The following LUC7L3 variants were observed in gnomAD, a reference collection of about 807,000 sequenced individuals.
The protein encoded by LUC7L3 is LUC7 like 3 pre-mRNA splicing factor.
In LUC7L3, 6 loss-of-function variants were observed where a neutral mutation model predicts 66.8. The observed-to-expected ratio is 0.09, with a 90% CI of 0.05 to 0.18. The LOEUF (loss-of-function observed/expected upper bound fraction) is 0.18, where lower values mean the gene tolerates loss of function less well. LUC7L3 is among the 10% of genes least tolerant of loss of function. LUC7L3 has a pLI of 1.00. For missense variants in LUC7L3, 341 were observed against 531.1 expected, an observed-to-expected ratio of 0.64 and a Z score of 3.52; for synonymous variants, 160 against 174.7, an observed-to-expected ratio of 0.92 and a Z score of 0.66.
chr17:50,744,114 G>A (rs1362713293), intron 6 of LUC7L3, among the ~76,000 whole-genome samples: 1 of 152,110 alleles, frequency 6.6e-6, no homozygotes, highest in Non-Finnish European at 1.5e-5. Flanking sequence ...TTTCATTTTT[G>A]TTGTAATAAA....
At chr17:50,723,285 ACCCTT>A (rs1968914394) in intron 1 of LUC7L3, 1 of 152,204 alleles carries the variant, frequency 6.6e-6, no homozygotes, top group Non-Finnish European at 1.5e-5. Context: ...ACTCAAGCCT[ACCCTT>A]CCTTCCATGA....
intron 1 of LUC7L3, among the ~76,000 whole-genome samples, chr17:50,734,420 G>C (rs533583229): frequency 6.6e-6 from 1 of 152,156 alleles, no homozygotes; most frequent in Non-Finnish European, 1.5e-5. Flanking sequence ...TCCCGCCTTG[G>C]CCTCCCAAAG....
rs908246482 is a variant in LUC7L3 at position 50,755,857 on chromosome 17, C to T, written c.*5196C>T. ...GTTGGATAAATACTGTGGTATATTC[C>T]AACAGTGGAATTCCACAGAAGTGAA... On this transcript the variant is annotated 3_prime_UTR_variant, in exon 10 of 10. Coordinates refer to ENST00000505658, the MANE Select transcript of LUC7L3 (RefSeq NM_016424.5). The T allele has an allele frequency of 2.0e-5, 3 of 152,102 alleles. No homozygotes were observed. Among genetic ancestry groups the T allele is most frequent in the African/African-American group, 7.2e-5 (3 of 41,404 alleles). The allele number at this position is 152,102 out of a possible 1,614,324, so 9.4% of individuals were successfully genotyped here. A position where few individuals can be genotyped will look rare whatever the true frequency, so the allele number is the denominator to read the frequency against.
chr17:50,726,048 G>T (rs1410923796), intron 1 of LUC7L3, among the ~76,000 whole-genome samples: 1 of 152,194 alleles, frequency 6.6e-6, no homozygotes, highest in African/African-American at 2.4e-5. Context: ...TGTGACTCTT[G>T]ATAATCTCTG....
At chr17:50,748,111 AT>A (rs1436050393) in intron 9 of LUC7L3, among the ~76,000 whole-genome samples, 1 of 152,148 alleles carries the variant, frequency 6.6e-6, no homozygotes, top group African/African-American at 2.4e-5. Context: ...CTGTGTTATC[AT>A]TTGTGCCACT....
chr17:50,736,083 A>T (rs1969967401), intron 1 of LUC7L3, among the ~76,000 whole-genome samples: 1 of 152,204 alleles, frequency 6.6e-6, no homozygotes, highest in Admixed American at 6.5e-5. Flanking sequence ...CAGTGGGCTG[A>T]GATGGTGCCA....
intron 1 of LUC7L3, among the ~76,000 whole-genome samples, chr17:50,729,942 A>ATATATATATATG (rs1969472661): frequency 1.3e-4 from 4 of 30,844 alleles, no homozygotes; most frequent in Middle Eastern, 0.019. Context: ...ATATATATAT[A>ATATATATATATG]TATGTATGTA....
chr17:50,741,453 T>G (rs1201966738), intron 4 of LUC7L3, among the ~76,000 whole-genome samples: 1 of 152,268 alleles, frequency 6.6e-6, no homozygotes, highest in East Asian at 1.9e-4. Context: ...TTGTTTTTAT[T>G]TTTCTTGAGG....
In LUC7L3 at chr17:50,755,085, G is replaced by A. The variant is rs1443348662; in HGVS notation, c.*4424G>A. On this transcript the variant is annotated 3_prime_UTR_variant, in exon 10 of 10. Coordinates refer to ENST00000505658, the MANE Select transcript of LUC7L3 (RefSeq NM_016424.5). Reference sequence around the variant, plus strand: ...TGGGATGGGACTTCATGCAGGATTGGTTTTCAAGTTTGATTTCCTGAGGGA... The same window carrying A: ...TGGGATGGGACTTCATGCAGGATTGATTTTCAAGTTTGATTTCCTGAGGGA... 7.9e-5 allele frequency: 12 copies of A among 152,116 alleles called. No homozygotes were observed. The highest frequency in any genetic ancestry group is 8.8e-5 in the Non-Finnish European group (6 of 68,026). The allele number at this position is 152,116 out of a possible 1,614,324, so 9.4% of individuals were successfully genotyped here. A position where few individuals can be genotyped will look rare whatever the true frequency, so the allele number is the denominator to read the frequency against.
At chr17:50,750,438 C>T in intron 9 of LUC7L3, 63 bp from the exon 10 acceptor site, 1 of 1,483,448 alleles carries the variant, frequency 6.7e-7, no homozygotes, top group Non-Finnish European at 9.1e-7. Flanking sequence ...CACTTTTTTT[C>T]AAAATCATGT....
At position 50,736,636 on chromosome 17, in the gene LUC7L3, G is replaced by A. The variant is rs553552655; in HGVS notation, c.100-324G>A. 6.9e-4 allele frequency: 186 copies of A among 269,408 alleles called. 1 individual carries two copies. The highest frequency in any genetic ancestry group is 1.1e-3 in the South Asian group (26 of 23,170). 16.7% of individuals were successfully genotyped at this position (269,408 alleles called of 1,614,324 possible). A position where few individuals can be genotyped will look rare whatever the true frequency, so the allele number is the denominator to read the frequency against. On this transcript the variant is annotated intron_variant, in intron 1 of 9. Coordinates refer to ENST00000505658, the MANE Select transcript of LUC7L3 (RefSeq NM_016424.5). ...AAAGAGATGAAATGATAAGAATAGC[G>A]TAAGAGTTTTTAAAAATATAAAAAT...
intron 7 of LUC7L3, 134 bp downstream of exon 7, chr17:50,744,947 G>T: frequency 3.1e-6 from 2 of 655,460 alleles, no homozygotes; most frequent in South Asian, 4.1e-5. Flanking sequence ...GAGTAGCTGG[G>T]AGTACAGGCA....
intron 7 of LUC7L3, 22 bp from the exon 8 acceptor site, chr17:50,745,698 G>T (rs768624586): frequency 1.3e-6 from 2 of 1,561,358 alleles, no homozygotes; most frequent in East Asian, 2.2e-5. Flanking sequence ...ATTTGCATAA[G>T]AATCCAACTT....
At position 50,750,549 on chromosome 17, in the gene LUC7L3, G is replaced by A. The variant is rs144920769; in HGVS notation, c.1187G>A (p.Arg396Gln). ...AAAAGTAGTGTGAAGTCCGGTAGTC[G>A]AGAAAAGCAGAGTGAAGACACAAAC... The part of the protein sequence containing the change: ...DKKSSVKSGS[R>Q]EKQSEDTNTE... Residue 396 changes from arginine to glutamine, a missense_variant, in exon 10 of 10, where the codon CGA becomes CAA. This residue lies in a region of LUC7L3 where 210 missense variants were observed against 238.1 expected (regional missense o/e 0.88). Transcript: ENST00000505658. The A allele has an allele frequency of 3.4e-5, 55 of 1,613,964 alleles. No individual in the cohort carries two copies. Among genetic ancestry groups the A allele is most frequent in the Non-Finnish European group, 4.2e-5 (50 of 1,180,000 alleles).
At chr17:50,740,120 T>G (rs1161224690) in intron 2 of LUC7L3, 186 bp from the exon 3 acceptor site, 1 of 547,606 alleles carries the variant, frequency 1.8e-6, no homozygotes, top group Non-Finnish European at 3.2e-6. Context: ...ACTGAGCAGA[T>G]CAATTTTATA....
chr17:50,736,555 CTG>C (rs1389693937), intron 1 of LUC7L3: 3 of 177,014 alleles, frequency 1.7e-5, no homozygotes, highest in African/African-American at 7.2e-5. Context: ...TGAGTGTTAA[CTG>C]TGATTTAGAT....
At chr17:50,749,568 C>T (rs922780250) in intron 9 of LUC7L3, among the ~76,000 whole-genome samples, 4 of 152,180 alleles carry the variant, frequency 2.6e-5, no homozygotes. Context: ...GGTGTTACGT[C>T]TTCATAACTG....
intron 1 of LUC7L3, among the ~76,000 whole-genome samples, chr17:50,732,229 AG>A (rs1329852215): frequency 6.6e-6 from 1 of 152,336 alleles, no homozygotes; most frequent in South Asian, 2.1e-4. Flanking sequence ...TAGAAATCTT[AG>A]GGGCATTCCT....
intron 5 of LUC7L3, 85 bp from the exon 6 acceptor site, chr17:50,743,621 A>T (rs1478391907): frequency 1.2e-6 from 1 of 806,260 alleles, no homozygotes; most frequent in East Asian, 2.6e-5. Context: ...AAGATGGAAA[A>T]CAACCACTAA....
Sources: allele counts gnomAD v4.1 joint callset (sites outside exome capture counted in the v4.1 genomes callset), GRCh38; gene constraint gnomAD v4.1.1; regional missense constraint gnomAD v4.1.1; transcripts MANE v1.5; gene names NCBI Gene and HGNC (gene_info 2026-07-23, HGNC 2026-07-21).